Variants in TMEM116 observed in about 807,000 individuals in gnomAD.
The protein encoded by TMEM116 is transmembrane protein 116.
TMEM116 carries 38 observed loss-of-function variants against 44.3 expected under a neutral mutation model. The ratio of observed to expected loss-of-function variants is 0.86; its 90% CI spans 0.66 to 1.12. TMEM116 has a LOEUF of 1.12. Ranked by LOEUF, TMEM116 falls within the 50% of genes most tolerant of loss-of-function variation. TMEM116 has a pLI of 0.00. For missense variants in TMEM116, 354 were observed against 401.7 expected, an observed-to-expected ratio of 0.88 and a Z score of 1.01; for synonymous variants, 132 against 144.8, an observed-to-expected ratio of 0.91 and a Z score of 0.64.
intron 1 of TMEM116, chr12:112,005,995 A>G: frequency 1.0e-6 from 1 of 985,932 alleles, no homozygotes; most frequent in Non-Finnish European, 1.2e-6. Context: ...TGGAAAGGTC[A>G]TAGGGACTTC....
At chr12:111,992,768 T>C (rs1565952899) in intron 3 of TMEM116, among the ~76,000 whole-genome samples, 1 of 152,210 alleles carries the variant, frequency 6.6e-6, no homozygotes, top group Non-Finnish European at 1.5e-5. Context: ...CCTTTTGGCA[T>C]CCCCATTCCC....
intron 5 of TMEM116, among the ~76,000 whole-genome samples, chr12:111,942,489 G>T (rs2072919826): frequency 6.6e-6 from 1 of 151,996 alleles, no homozygotes; most frequent in Non-Finnish European, 1.5e-5. Flanking sequence ...AGCCCGAATG[G>T]TGTCAATCTC....
At chr12:111,977,721 A>AT (rs774172616) in intron 4 of TMEM116, among the ~76,000 whole-genome samples, 69 of 152,144 alleles carry the variant, frequency 4.5e-4, no homozygotes, top group Admixed American at 3.6e-3. Context: ...TGATTATATC[A>AT]TAAGGGTAAG....
At chr12:111,983,263 C>T (rs979895206) in intron 4 of TMEM116, among the ~76,000 whole-genome samples, 3 of 152,100 alleles carry the variant, frequency 2.0e-5, no homozygotes, top group Admixed American at 2.0e-4. Flanking sequence ...TGGTGAAACC[C>T]CATCTCTACT....
intron 4 of TMEM116, among the ~76,000 whole-genome samples, chr12:111,961,724 G>T (rs2074602482): frequency 6.6e-6 from 1 of 152,112 alleles, no homozygotes; most frequent in Non-Finnish European, 1.5e-5. Context: ...TACTGAATGG[G>T]CAAAAACTGG....
intron 4 of TMEM116, among the ~76,000 whole-genome samples, chr12:111,991,108 A>G (rs1488773312): frequency 6.6e-6 from 1 of 150,748 alleles, no homozygotes. Context: ...AGTCCCAGCT[A>G]CTCAGGAGGC....
intron 3 of TMEM116, among the ~76,000 whole-genome samples, chr12:111,995,482 G>A (rs1053148796): frequency 3.3e-5 from 5 of 152,062 alleles, no homozygotes; most frequent in African/African-American, 9.7e-5. Context: ...GGTGGCTCAC[G>A]TCTGTAATCT....
chr12:111,956,111 T>G (rs2074067491), intron 4 of TMEM116, among the ~76,000 whole-genome samples: 1 of 152,208 alleles, frequency 6.6e-6, no homozygotes, highest in African/African-American at 2.4e-5. Context: ...TTTCTTCTGT[T>G]CCAGTTCAGT....
At position 112,013,106 on chromosome 12, in the gene TMEM116, T is replaced by A; in HGVS notation, c.-138A>T. 4.2e-6 allele frequency: 1 copy of A among 239,804 alleles called. No individual in the cohort carries two copies. The highest frequency in any genetic ancestry group is 1.3e-4 in the South Asian group (1 of 7,658). The allele number at this position is 239,804 out of a possible 1,614,324, so 14.9% of individuals were successfully genotyped here. ...AAGGAGAGGAAGGACAGCAAACGAA[T>A]TGCTATAGCGTCCCCATGCGCACTT... On this transcript the variant is annotated 5_prime_UTR_variant, in exon 1 of 11. Transcript: ENST00000552374.
At chr12:111,999,743 T>G (rs548657895) in intron 3 of TMEM116, among the ~76,000 whole-genome samples, 1 of 152,150 alleles carries the variant, frequency 6.6e-6, no homozygotes, top group African/African-American at 2.4e-5. Context: ...ACAAGATGAT[T>G]TGAGACATAA....
intron 4 of TMEM116, among the ~76,000 whole-genome samples, chr12:111,987,864 T>G (rs1413904745): frequency 6.6e-6 from 1 of 152,204 alleles, no homozygotes; most frequent in African/African-American, 2.4e-5. Context: ...CAAACGTATT[T>G]GTACATCAAT....
At chr12:112,003,103 A>T (rs1443177107) in intron 3 of TMEM116, among the ~76,000 whole-genome samples, 1 of 152,222 alleles carries the variant, frequency 6.6e-6, no homozygotes, top group African/African-American at 2.4e-5. Flanking sequence ...TTCATATAGC[A>T]AAGTTTTTAA....
chr12:111,961,761 A>G (rs1292199352), intron 4 of TMEM116, among the ~76,000 whole-genome samples: 1 of 152,242 alleles, frequency 6.6e-6, no homozygotes, highest in Non-Finnish European at 1.5e-5. Context: ...AACTGGCACA[A>G]GACAAGGATG....
chr12:111,982,262 TAC>T (rs2075981696), intron 4 of TMEM116, among the ~76,000 whole-genome samples: 1 of 152,232 alleles, frequency 6.6e-6, no homozygotes, highest in South Asian at 2.1e-4. Flanking sequence ...CCAAAATATA[TAC>T]ATATATTAAA....
At chr12:111,967,983 T>C (rs1247942118) in intron 4 of TMEM116, among the ~76,000 whole-genome samples, 1 of 152,156 alleles carries the variant, frequency 6.6e-6, no homozygotes, top group African/African-American at 2.4e-5. Flanking sequence ...GGAGGCCTTG[T>C]GAACTCCCTG....
intron 5 of TMEM116, among the ~76,000 whole-genome samples, chr12:111,939,940 A>C (rs1295882603): frequency 7.8e-6 from 1 of 127,738 alleles, no homozygotes; most frequent in Non-Finnish European, 1.7e-5. Flanking sequence ...GTGTGTATGG[A>C]GCTACTACAA....
intron 5 of TMEM116, among the ~76,000 whole-genome samples, chr12:111,940,523 G>GTATATATATATATATATATATATA (rs759583297): frequency 9.5e-6 from 1 of 104,932 alleles, no homozygotes; most frequent in South Asian, 2.9e-4. Flanking sequence ...ATATATATGT[G>GTATATATATATATATATATATATA]TATATATATA....
At chr12:111,949,709 A>C (rs2073564471) in intron 4 of TMEM116, among the ~76,000 whole-genome samples, 1 of 152,222 alleles carries the variant, frequency 6.6e-6, no homozygotes, top group South Asian at 2.1e-4. Context: ...TCAAGTTTTT[A>C]TTATGTACCT....
At chr12:111,993,694 G>T in intron 3 of TMEM116, 1 of 615,188 alleles carries the variant, frequency 1.6e-6, no homozygotes, top group East Asian at 3.3e-5. Context: ...CTGCTTTTAA[G>T]GTACTGTTGA....
Sources: gnomAD v4.1 joint callset for allele counts (sites outside exome capture counted in the v4.1 genomes callset) on GRCh38, gnomAD v4.1.1 for gene constraint, MANE v1.5 for transcripts, NCBI Gene and HGNC (gene_info 2026-07-23, HGNC 2026-07-21) for gene names.